UST: variants seen among roughly 807,000 people sequenced by gnomAD.
UST encodes chondroitin sulfate 2-O-sulfotransferase.
Under a neutral mutation model 45.6 loss-of-function variants are expected in UST, and 21 were observed. That is an observed-to-expected ratio of 0.46 (90% confidence interval 0.33 to 0.66). The LOEUF is 0.66. Among genes scored for constraint, UST ranks in the 30% least tolerant of loss-of-function variants. The pLI, the probability that UST is intolerant of heterozygous loss-of-function variation, is 0.02. For synonymous variants in UST, 215 were observed against 200.6 expected (o/e 1.07, Z -0.61); for missense variants, 463 against 512.4 (o/e 0.90, Z 0.93).
In UST at chr6:149,074,149, CT is replaced by C; in HGVS notation, c.*37del. 6.3e-7 allele frequency: 1 copy of C among 1,596,986 alleles called. No individual in the cohort carries two copies. Among genetic ancestry groups the C allele is most frequent in the Non-Finnish European group, 8.6e-7 (1 of 1,169,132 alleles). ...GTGTTGCCTCTATGGCTTTATCTCC[CT>C]TTTCCAGAAAGTTCTTTGTTTGGGG... On this transcript the variant is annotated 3_prime_UTR_variant, in exon 8 of 8. Coordinates refer to ENST00000367463, the MANE Select transcript of UST (RefSeq NM_005715.3).
intron 1 of UST, among the ~76,000 whole-genome samples, chr6:148,791,547 C>T (rs1776848309): frequency 6.6e-6 from 1 of 152,148 alleles, no homozygotes; most frequent in Non-Finnish European, 1.5e-5. Context: ...GGGGAAAAAA[C>T]AAACATGAGT....
chr6:148,836,554 C>T lies in UST; in HGVS notation c.248-50432C>T, dbSNP rs142267855. On this transcript the variant is annotated intron_variant, in intron 1 of 7. Transcript: ENST00000367463. Reference sequence around the variant, plus strand: ...GGGCCAATCACTGAACTTCTCTGAGCATTGGATTCTTGGTACAGGGATTGG... The same window carrying T: ...GGGCCAATCACTGAACTTCTCTGAGTATTGGATTCTTGGTACAGGGATTGG... 3.9e-3 allele frequency among the ~76,000 whole-genome samples: 593 copies of T among 152,294 alleles called. 1 individual carries two copies. Among genetic ancestry groups the T allele is most frequent in the Middle Eastern group, 0.014 (4 of 294 alleles).
chr6:148,945,227 T>C (rs1408151152), intron 3 of UST, among the ~76,000 whole-genome samples: 1 of 152,254 alleles, frequency 6.6e-6, no homozygotes, highest in East Asian at 1.9e-4. Context: ...TGAGTGGGTA[T>C]GATTCCCTGT....
chr6:149,045,566 G>C (rs1776384294), intron 7 of UST, among the ~76,000 whole-genome samples: 1 of 152,160 alleles, frequency 6.6e-6, no homozygotes, highest in South Asian at 2.1e-4. Flanking sequence ...GGATCTCTAG[G>C]CACAGGCTTA....
chr6:148,869,185 G>T (rs1447461642), intron 1 of UST, among the ~76,000 whole-genome samples: 1 of 152,172 alleles, frequency 6.6e-6, no homozygotes, highest in Non-Finnish European at 1.5e-5. Context: ...GCACCTATTT[G>T]TTTGGCTTTG....
In UST at chr6:148,747,640, A is replaced by T. The variant is rs760583610; in HGVS notation, c.210A>T (p.Gly70=). Reference sequence around the variant, plus strand: ...CCCTCCTCTATCAGCTCAGCGGGGGACCCCCTCGCTTCCTGCTCGACCTGC... The same window carrying T: ...CCCTCCTCTATCAGCTCAGCGGGGGTCCCCCTCGCTTCCTGCTCGACCTGC... ...LGSLLYQLSG[G]PPRFLLDLRQ... The change falls in exon 1 of 8, where the codon GGA becomes GGT. Residue 70 remains glycine, a synonymous_variant. Coordinates refer to ENST00000367463, the MANE Select transcript of UST (RefSeq NM_005715.3). 6.3e-6 allele frequency: 10 copies of T among 1,597,250 alleles called. No homozygotes were observed. In the Admixed American group the frequency reaches 1.5e-4, roughly 25 times the overall value.
At chr6:148,931,437 G>A (rs77081833) in intron 2 of UST, among the ~76,000 whole-genome samples, 1,862 of 152,326 alleles carry the variant, frequency 0.012, 36 homozygotes, top group African/African-American at 0.042. Flanking sequence ...AATTAAGTGT[G>A]TGGGTCTAGT....
Position 149,076,619 on chromosome 6 carries a change from C to G in UST, c.*2503C>G, listed in dbSNP as rs1776893266. On this transcript the variant is annotated 3_prime_UTR_variant, in exon 8 of 8. Transcript: ENST00000367463. ...CAAACATGACAACATTTTTTTTGGCCCTGGGCCCAACAGTTTGTACTTCAT... is the reference window on the plus strand; with the variant it reads ...CAAACATGACAACATTTTTTTTGGCGCTGGGCCCAACAGTTTGTACTTCAT... 1.3e-5 allele frequency: 2 copies of G among 152,422 alleles called. No individual in the cohort carries two copies. The highest frequency in any genetic ancestry group is 2.9e-5 in the Non-Finnish European group (2 of 68,002). The allele number at this position is 152,422 out of a possible 1,614,324, so 9.4% of individuals were successfully genotyped here. A position where few individuals can be genotyped will look rare whatever the true frequency, so the allele number is the denominator to read the frequency against.
Position 148,867,298 on chromosome 6 carries a change from A to ACACC in UST, c.248-19685_248-19684insCCAC, listed in dbSNP as rs1472188397. Among the ~76,000 whole-genome samples, 104 of 133,222 alleles carry ACACC rather than the reference A, an allele frequency of 7.8e-4. 1 individual carries two copies. The South Asian group carries it at 0.024, about 31-fold the overall frequency. The allele number at this position is 133,222 out of a possible 152,430, so 87.4% of individuals were successfully genotyped here. ...GGCATTGTTGAATACACACACACACACACACACACACACACACACACACAC... is the reference window on the plus strand; with the variant it reads ...GGCATTGTTGAATACACACACACACACACCCACACACACACACACACACACACAC... On this transcript the variant is annotated intron_variant, in intron 1 of 7. Coordinates refer to ENST00000367463, the MANE Select transcript of UST (RefSeq NM_005715.3).
chr6:149,064,529 G>A (rs1776704291), intron 7 of UST, among the ~76,000 whole-genome samples: 1 of 152,134 alleles, frequency 6.6e-6, no homozygotes, highest in Non-Finnish European at 1.5e-5. Flanking sequence ...CCTGTGCGTG[G>A]TGCAGAATAG....
intron 1 of UST, among the ~76,000 whole-genome samples, chr6:148,787,924 A>G (rs1776763230): frequency 6.6e-6 from 1 of 152,100 alleles, no homozygotes; most frequent in Non-Finnish European, 1.5e-5. Context: ...ATCATTTTAA[A>G]ATAGTTTACA....
At chr6:148,789,916 A>G (rs1241093929) in intron 1 of UST, among the ~76,000 whole-genome samples, 2 of 152,090 alleles carry the variant, frequency 1.3e-5, no homozygotes, top group Admixed American at 6.5e-5. Flanking sequence ...TTTCATAATG[A>G]AGACTCATAA....
chr6:148,998,929 C>T (rs1205741737), intron 5 of UST, among the ~76,000 whole-genome samples: 2 of 152,194 alleles, frequency 1.3e-5, no homozygotes, highest in African/African-American at 4.8e-5. Flanking sequence ...CAGCCAGTGG[C>T]AGAGATCCAG....
At chr6:148,890,846 AC>A (rs1378612468) in intron 2 of UST, among the ~76,000 whole-genome samples, 2 of 152,230 alleles carry the variant, frequency 1.3e-5, no homozygotes, top group Non-Finnish European at 2.9e-5. Flanking sequence ...TACACAGAAT[AC>A]GGTGGTTTAA....
intron 2 of UST, among the ~76,000 whole-genome samples, chr6:148,938,461 T>C (rs1486780150): frequency 1.3e-5 from 2 of 152,244 alleles, no homozygotes; most frequent in African/African-American, 4.8e-5. Context: ...ATTTATTAAA[T>C]GCTACCCTGC....
intron 1 of UST, among the ~76,000 whole-genome samples, chr6:148,855,542 G>A (rs568676994): frequency 6.6e-6 from 1 of 152,186 alleles, no homozygotes; most frequent in Admixed American, 6.5e-5. Context: ...CTTATTTGGA[G>A]GCTGAAAGCC....
intron 2 of UST, among the ~76,000 whole-genome samples, chr6:148,923,467 C>T (rs559294729): frequency 2.6e-5 from 4 of 152,310 alleles, no homozygotes; most frequent in Admixed American, 2.0e-4. Context: ...TGATTATAGT[C>T]AGCCAGGTGG....
chr6:148,959,405 C>T (rs1001045566), intron 4 of UST, among the ~76,000 whole-genome samples: 3 of 152,328 alleles, frequency 2.0e-5, no homozygotes, highest in African/African-American at 4.8e-5. Context: ...AAGTAAAAAT[C>T]GGTATTAGCA....
At position 149,038,811 on chromosome 6, in the gene UST, T is replaced by C. The variant is rs373879428; in HGVS notation, c.937+17330T>C. ...TGCCTTTCTTTGTTGTAGAAAGGAA[T>C]TGGGGGGAAAAAGATGTCTAATATT... On this transcript the variant is annotated intron_variant, in intron 7 of 7. Transcript: ENST00000367463. 3.3e-5 allele frequency among the ~76,000 whole-genome samples: 5 copies of C among 152,206 alleles called. 1 individual carries two copies. Among genetic ancestry groups the C allele is most frequent in the Admixed American group, 2.0e-4 (3 of 15,284 alleles).
Sources: gnomAD v4.1 joint callset for allele counts (sites outside exome capture counted in the v4.1 genomes callset) on GRCh38, gnomAD v4.1.1 for gene constraint, MANE v1.5 for transcripts, NCBI Gene and HGNC (gene_info 2026-07-23, HGNC 2026-07-21) for gene names.